HSPA12B: variants seen among roughly 807,000 people sequenced by gnomAD.
The protein encoded by HSPA12B is heat shock 70 kDa protein 12B.
HSPA12B carries 54 observed loss-of-function variants against 69.3 expected under a neutral mutation model. The ratio of observed to expected loss-of-function variants is 0.78; its 90% CI spans 0.63 to 0.98. The LOEUF (loss-of-function observed/expected upper bound fraction) is 0.98, where lower values mean the gene tolerates loss of function less well. HSPA12B is among the 50% of genes least tolerant of loss of function. HSPA12B has a pLI of 0.00. For synonymous variants in HSPA12B, 441 were observed against 436.5 expected (o/e 1.01, Z -0.13); for missense variants, 929 against 999.8 (o/e 0.93, Z 0.96).
At position 3,738,651 on chromosome 20, in the gene HSPA12B, T is replaced by G. The variant is rs2088144650; in HGVS notation, c.-17-7T>G. On this transcript the variant is annotated splice_polypyrimidine_tract_variant and splice_region_variant and intron_variant, in intron 1 of 12. Transcript: ENST00000254963. ...ATCCCACTCTGCTTGTCTGTTCCTG[T>G]TGACAGCTACAGGGCCTGCAAGGAT... 1 of 1,613,806 alleles carries G rather than the reference T, an allele frequency of 6.2e-7. No individual in the cohort carries two copies. The highest frequency in any genetic ancestry group is 1.7e-5 in the Admixed American group (1 of 60,010).
intron 4 of HSPA12B, among the ~76,000 whole-genome samples, chr20:3,743,412 T>G (rs1215834970): frequency 1.3e-5 from 2 of 151,870 alleles, no homozygotes; most frequent in African/African-American, 4.8e-5. Flanking sequence ...CCAGGGCTGG[T>G]CTTGAATTCC....
rs762188692 is a variant in HSPA12B, at chr20:3,740,879, C to T, written c.108C>T (p.Cys36=). Residue 36 remains cysteine, a synonymous_variant, in exon 3 of 13, where the codon TGC becomes TGT. Transcript: ENST00000254963. The surrounding 1 kb of genome is among the most constrained non-coding windows in gnomAD (Gnocchi z 4.9). Reference sequence around the variant, plus strand: ...GCTCCCCGAGGACCCAGGAAAGCTGCGGCATTGCCCCCCTCACACCCTCGC... The same window carrying T: ...GCTCCCCGAGGACCCAGGAAAGCTGTGGCATTGCCCCCCTCACACCCTCGC... The part of the protein sequence containing the change: ...PPGSPRTQES[C]GIAPLTPSQS... 1.2e-5 allele frequency: 19 copies of T among 1,613,464 alleles called. No homozygotes were observed. The Admixed American group carries it at 1.7e-4, about 14-fold the overall frequency.
In HSPA12B at chr20:3,752,265, G is replaced by A; in HGVS notation, c.*99G>A. 2.5e-6 allele frequency: 3 copies of A among 1,183,556 alleles called. 1 individual carries two copies. The South Asian group carries it at 5.4e-5, about 21-fold the overall frequency. The allele number at this position is 1,183,556 out of a possible 1,614,324, so 73.3% of individuals were successfully genotyped here. ...TTGGGGCGGGGGAAACGATAGTTCT[G>A]CAGTCTGCGCCTTTCCACGCCCTCC... is the stretch of plus-strand genomic sequence containing the variant. On this transcript the variant is annotated 3_prime_UTR_variant, in exon 13 of 13. Coordinates refer to ENST00000254963, the MANE Select transcript of HSPA12B (RefSeq NM_052970.5).
At chr20:3,741,057 A>C (rs565379025) in intron 3 of HSPA12B, 145 bp downstream of exon 3, 1 of 636,860 alleles carries the variant, frequency 1.6e-6, no homozygotes, top group East Asian at 2.9e-5. Flanking sequence ...CACTCCAGTC[A>C]TGTGCCCCCC....
At chr20:3,746,671 G>A (rs572756450) in intron 7 of HSPA12B, among the ~76,000 whole-genome samples, 37 of 151,456 alleles carry the variant, frequency 2.4e-4, no homozygotes, top group Non-Finnish European at 4.4e-4. Flanking sequence ...GGAGGGAGGC[G>A]GGACAGGAGA....
rs749008348 is a variant in HSPA12B at position 3,749,361 on chromosome 20, G to A, written c.937+43G>A. The stretch of plus-strand genomic sequence containing the variant: ...CGGAGTGTTATCCTTGGCCCCTACC[G>A]GGCACCATATACTGATGGGGGGAAG... On this transcript the variant is annotated intron_variant, in intron 9 of 12. Transcript: ENST00000254963. The surrounding 1 kb of genome is among the most constrained non-coding windows in gnomAD (Gnocchi z 5.5). The A allele has an allele frequency of 6.5e-6, 10 of 1,549,536 alleles. No individual in the cohort carries two copies. The highest frequency in any genetic ancestry group is 5.7e-5 in the South Asian group (5 of 87,848).
At chr20:3,747,865 G>A (rs2088334742) in intron 7 of HSPA12B, among the ~76,000 whole-genome samples, 1 of 152,258 alleles carries the variant, frequency 6.6e-6, no homozygotes, top group African/African-American at 2.4e-5. Context: ...CCAGCGCTCA[G>A]CTGGCCGCTT....
chr20:3,745,731 T>C lies in HSPA12B; in HGVS notation c.558+134T>C. 1.1e-6 allele frequency: 1 copy of C among 918,232 alleles called. No homozygotes were observed. Among genetic ancestry groups the C allele is most frequent in the Admixed American group, 1.9e-5 (1 of 53,532 alleles). 56.9% of individuals were successfully genotyped at this position (918,232 alleles called of 1,614,324 possible). A position where few individuals can be genotyped will look rare whatever the true frequency, so the allele number is the denominator to read the frequency against. ...GGAGCTCAGAGGTCATCTTCTCCAG[T>C]ACCCTCCTCCCTTTTTGTCTGGTAG... On this transcript the variant is annotated intron_variant, in intron 6 of 12. Coordinates refer to ENST00000254963, the MANE Select transcript of HSPA12B (RefSeq NM_052970.5). This position sits in a 1 kb window ranked among gnomAD's most constrained non-coding sequence, Gnocchi z 5.6.
rs763229842 is a variant in HSPA12B, at chr20:3,751,911, G to C, written c.1806G>C (p.Arg602=). The C allele has an allele frequency of 6.3e-7, 1 of 1,582,516 alleles. No homozygotes were observed. The highest frequency in any genetic ancestry group is 1.7e-5 in the Admixed American group (1 of 57,818). Reference sequence around the variant, plus strand: ...ACTGCCCGGCGCGTCCCGGCCAGCGGCGCGTACTCATCAACCTGTACTGCT... The same window carrying C: ...ACTGCCCGGCGCGTCCCGGCCAGCGCCGCGTACTCATCAACCTGTACTGCT... The part of the protein sequence containing the change: ...RSYCPARPGQ[R]RVLINLYCCA... The change falls in exon 13 of 13, where the codon CGG becomes CGC. Residue 602 remains arginine (R), a synonymous_variant. Transcript: ENST00000254963.
chr20:3,744,937 A>G lies in HSPA12B; in HGVS notation c.302A>G (p.Gln101Arg), dbSNP rs762430278. The change falls in exon 5 of 13, where the codon CAG becomes CGG. Residue 101 changes from glutamine to arginine, a missense_variant. By Grantham distance (43) the Gln-to-Arg change is conservative. This residue lies in a region of HSPA12B where 477 missense variants were observed against 535.2 expected (regional missense o/e 0.89). Coordinates refer to ENST00000254963, the MANE Select transcript of HSPA12B (RefSeq NM_052970.5). This position sits in a 1 kb window ranked among gnomAD's most constrained non-coding sequence, Gnocchi z 4.9. Reference sequence around the variant, plus strand: ...GGCGGAGACCCGGGCGTGGCCCACCAGAAGACCCCGACCTGCCTGCTGCTG... The same window carrying G: ...GGCGGAGACCCGGGCGTGGCCCACCGGAAGACCCCGACCTGCCTGCTGCTG... The part of the protein sequence containing the change: ...WEGGDPGVAH[Q>R]KTPTCLLLTP... The G allele has an allele frequency of 4.3e-6, 7 of 1,613,638 alleles. 1 individual carries two copies. The highest frequency in any genetic ancestry group is 4.0e-5 in the African/African-American group (3 of 75,058).
rs760192224 is a variant in HSPA12B at position 3,748,332 on chromosome 20, G to C, written c.791G>C (p.Arg264Pro). The change falls in exon 8 of 13, where the codon CGG becomes CCG. Residue 264 changes from arginine to proline, a missense_variant. Transcript: ENST00000254963. ...RLHQLLDLSG[R>P]APGGGRLGER... ...CACCAGCTCCTGGACCTGAGTGGCC[G>C]GGCCCCAGGTGGTGGGCGCCTGGGT... 9 of 1,610,450 alleles carry C rather than the reference G, an allele frequency of 5.6e-6. No homozygotes were observed. The highest frequency in any genetic ancestry group is 1.1e-5 in the South Asian group (1 of 90,454).
chr20:3,736,496 A>G lies in HSPA12B; in HGVS notation c.-17-2162A>G, dbSNP rs762338567. On this transcript the variant is annotated intron_variant, in intron 1 of 12. Coordinates refer to ENST00000254963, the MANE Select transcript of HSPA12B (RefSeq NM_052970.5). ...TGAGCAAGGGTGTGTGCATGTGTCTATGGGCATGCCAGAGCCAGCTCTGTG... is the reference window on the plus strand; with the variant it reads ...TGAGCAAGGGTGTGTGCATGTGTCTGTGGGCATGCCAGAGCCAGCTCTGTG... 5.9e-5 allele frequency among the ~76,000 whole-genome samples: 9 copies of G among 152,320 alleles called. 1 individual carries two copies. Among genetic ancestry groups the G allele is most frequent in the South Asian group, 4.1e-4 (2 of 4,828 alleles).
intron 7 of HSPA12B, among the ~76,000 whole-genome samples, chr20:3,747,434 G>A (rs1210590531): frequency 2.0e-5 from 3 of 152,154 alleles, no homozygotes; most frequent in African/African-American, 7.2e-5. Context: ...GCGTCCCCTT[G>A]CCTATTTTCC....
chr20:3,746,104 C>A, intron 7 of HSPA12B, 73 bp downstream of exon 7: 1 of 1,080,418 alleles, frequency 9.3e-7, no homozygotes, highest in Non-Finnish European at 1.4e-6. Flanking sequence ...TGCATGCACC[C>A]CACCACCCTT....
chr20:3,744,946 C>A lies in HSPA12B; in HGVS notation c.311C>A (p.Pro104Gln). 4 of 1,613,764 alleles carry A rather than the reference C, an allele frequency of 2.5e-6. No individual in the cohort carries two copies. Among genetic ancestry groups the A allele is most frequent in the Non-Finnish European group, 3.4e-6 (4 of 1,180,028 alleles). The change falls in exon 5 of 13, where the codon CCG becomes CAG. Residue 104 changes from proline (P) to glutamine (Q), a missense_variant. Around this residue, in one of 3 missense-constraint regions of HSPA12B, gnomAD observed 477 missense variants for 535.2 expected, o/e 0.89. Coordinates refer to ENST00000254963, the MANE Select transcript of HSPA12B (RefSeq NM_052970.5). The surrounding 1 kb of genome is among the most constrained non-coding windows in gnomAD (Gnocchi z 4.9). The part of the protein sequence containing the change: ...GDPGVAHQKT[P>Q]TCLLLTPEGA... Reference sequence around the variant, plus strand: ...CCGGGCGTGGCCCACCAGAAGACCCCGACCTGCCTGCTGCTGACTCCGGAG... The same window carrying A: ...CCGGGCGTGGCCCACCAGAAGACCCAGACCTGCCTGCTGCTGACTCCGGAG...
chr20:3,742,144 G>T (rs1272430094), intron 3 of HSPA12B, 140 bp from the exon 4 acceptor site: 12 of 1,254,556 alleles, frequency 9.6e-6, no homozygotes, highest in Non-Finnish European at 1.2e-5. Flanking sequence ...GTGGGCAGGT[G>T]GGGTGGGCCA....
chr20:3,745,102 C>A lies in HSPA12B; in HGVS notation c.453+14C>A, dbSNP rs376589516. On this transcript the variant is annotated intron_variant, in intron 5 of 12. Transcript: ENST00000254963. The surrounding 1 kb of genome is among the most constrained non-coding windows in gnomAD (Gnocchi z 5.6). ...CACAGCGCCACGGTGAGTCACAGGG[C>A]TCCAGACAGGGAGGCGGGGCCAGCA... The A allele has an allele frequency of 6.2e-6, 10 of 1,607,494 alleles. No homozygotes were observed. Among genetic ancestry groups the A allele is most frequent in the African/African-American group, 1.3e-5 (1 of 74,738 alleles).
At chr20:3,750,529 T>G (rs1396544137) in intron 11 of HSPA12B, 2 of 306,930 alleles carry the variant, frequency 6.5e-6, no homozygotes, top group Non-Finnish European at 9.5e-6. Flanking sequence ...TGCGGGCCCA[T>G]GCTCCTCGGT....
Position 3,745,046 on chromosome 20 carries a change from G to C in HSPA12B, c.411G>C (p.Trp137Cys). 1.9e-6 allele frequency: 3 copies of C among 1,613,942 alleles called. No individual in the cohort carries two copies. The highest frequency in any genetic ancestry group is 1.3e-5 in the African/African-American group (1 of 75,062). Residue 137 changes from tryptophan to cysteine, a missense_variant, in exon 5 of 13, where the codon TGG becomes TGC. Trp to Cys is a radical substitution (Grantham distance 215). Transcript: ENST00000254963. The surrounding 1 kb of genome is among the most constrained non-coding windows in gnomAD (Gnocchi z 5.6). ...HDLDPEEARD[W>C]LYFEKFKMKI... ...TGGACCCCGAAGAGGCGCGGGACTG[G>C]CTCTACTTCGAGAAGTTCAAGATGA...
Sources: gnomAD v4.1 joint callset for allele counts (sites outside exome capture counted in the v4.1 genomes callset) on GRCh38, gnomAD v4.1.1 for gene constraint, gnomAD v4.1.1 regional missense constraint, Gnocchi (gnomAD v3.1) non-coding constraint, MANE v1.5 for transcripts, NCBI Gene and HGNC (gene_info 2026-07-23, HGNC 2026-07-21) for gene names.